The following SLC26A11 variants were observed in gnomAD, a reference collection of about 807,000 sequenced individuals.
SLC26A11 encodes the protein sodium-independent sulfate anion transporter.
A neutral mutation model predicts 62.2 loss-of-function variants in SLC26A11; 58 were observed. The observed-to-expected ratio is 0.93, with a 90% CI of 0.76 to 1.16. The LOEUF (loss-of-function observed/expected upper bound fraction) is 1.16. SLC26A11 is among the 50% of genes most tolerant of loss of function. SLC26A11 has a pLI of 0.00. For missense variants in SLC26A11, 790 were observed against 794.3 expected, an observed-to-expected ratio of 0.99 and a Z score of 0.06; for synonymous variants, 411 against 368.9, an observed-to-expected ratio of 1.11 and a Z score of -1.31.
intron 10 of SLC26A11, among the ~76,000 whole-genome samples, chr17:80,242,332 C>T (rs144849857): frequency 1.9e-4 from 29 of 152,284 alleles, no homozygotes; most frequent in African/African-American, 6.7e-4. Flanking sequence ...TCAGTTTAAC[C>T]CCTAAGAACA....
At position 80,251,342 on chromosome 17, in the gene SLC26A11, G is replaced by A. The variant is rs760632323; in HGVS notation, c.1670G>A (p.Arg557His). Residue 557 changes from arginine (R) to histidine (H), a missense_variant, in exon 17 of 18, where the codon CGT (arginine) becomes CAT (histidine). Transcript: ENST00000361193. ...AFVGLQVPVL[R>H]VLLSADLKGF... The stretch of plus-strand genomic sequence containing the variant: ...TCTGTCTCTCAGGTCCCCGTTCTCC[G>A]TGTCCTGCTGTCCGCTGACCTGAAG... 34 of 1,613,880 alleles carry A rather than the reference G, an allele frequency of 2.1e-5. No homozygotes were observed. Among genetic ancestry groups the A allele is most frequent in the East Asian group, 1.1e-4 (5 of 44,890 alleles).
intron 7 of SLC26A11, among the ~76,000 whole-genome samples, chr17:80,229,121 T>G (rs1205079854): frequency 1.3e-5 from 2 of 152,022 alleles, no homozygotes; most frequent in East Asian, 3.9e-4. Flanking sequence ...TCTTGCTGTT[T>G]GGGGGCTGCA....
chr17:80,252,639 C>T lies in SLC26A11; in HGVS notation c.1744C>T (p.Gln582Ter). The change falls in exon 18 of 18, where the codon CAG becomes TAG. Residue 582 changes from glutamine (Q) to a stop codon, truncating the protein, a stop_gained. Transcript: ENST00000361193. LOFTEE classifies it low-confidence loss of function (END_TRUNC). The surrounding 1 kb of genome is among the most constrained non-coding windows in gnomAD (Gnocchi z 5.2). Reference protein sequence around the residue: ...TLEEAEKHLRQEPGTQPYNIR... With the variant: ...TLEEAEKHLR ...ATTTTCTGCAGAGAAGCACCTGAGG[C>T]AGGAGCCAGGGACCCAGCCCTACAA... 6.2e-7 allele frequency: 1 copy of T among 1,613,874 alleles called. No individual in the cohort carries two copies.
In SLC26A11 at chr17:80,222,728, G is replaced by T. The variant is rs763305292; in HGVS notation, c.308G>T (p.Gly103Val). The stretch of plus-strand genomic sequence containing the variant: ...GGCACCTCCCGGGATGTGACTCTGG[G>T]CCCCACCGCCATTATGTCCCTCCTG... ...FLGTSRDVTL[G>V]PTAIMSLLVS... Residue 103 changes from glycine to valine, a missense_variant, in exon 4 of 18, where the codon GGC becomes GTC. Physicochemically the swap from Gly to Val is moderately radical, Grantham distance 109. Coordinates refer to ENST00000361193, the MANE Select transcript of SLC26A11 (RefSeq NM_001166347.2). The surrounding 1 kb of genome is among the most constrained non-coding windows in gnomAD (Gnocchi z 4.7). 1.2e-6 allele frequency: 2 copies of T among 1,614,096 alleles called. No homozygotes were observed. The highest frequency in any genetic ancestry group is 2.2e-5 in the East Asian group (1 of 44,880).
In SLC26A11 at chr17:80,223,191, C is replaced by T; in HGVS notation, c.428-61C>T. ...GCCACCTTCCCCAGCTCACATCTCC[C>T]CTCATCCTCTGGGACTGGGTGGAGC... On this transcript the variant is annotated intron_variant, in intron 4 of 17. Transcript: ENST00000361193. The surrounding 1 kb of genome is among the most constrained non-coding windows in gnomAD (Gnocchi z 4.6). The T allele has an allele frequency of 6.7e-7, 1 of 1,490,414 alleles. No homozygotes were observed. The highest frequency in any genetic ancestry group is 1.1e-5 in the South Asian group (1 of 87,538). 92.3% of individuals were successfully genotyped at this position (1,490,414 alleles called of 1,614,324 possible).
In SLC26A11 at chr17:80,251,344, G is replaced by A; in HGVS notation, c.1672G>A (p.Val558Ile). 1 of 1,614,086 alleles carries A rather than the reference G, an allele frequency of 6.2e-7. No homozygotes were observed. Among genetic ancestry groups the A allele is most frequent in the Non-Finnish European group, 8.5e-7 (1 of 1,180,008 alleles). The change falls in exon 17 of 18, where the codon GTC (valine) becomes ATC (isoleucine). Residue 558 changes from valine to isoleucine, a missense_variant. Transcript: ENST00000361193. Reference sequence around the variant, plus strand: ...TGTCTCTCAGGTCCCCGTTCTCCGTGTCCTGCTGTCCGCTGACCTGAAGGG... The same window carrying A: ...TGTCTCTCAGGTCCCCGTTCTCCGTATCCTGCTGTCCGCTGACCTGAAGGG... Reference protein sequence around the residue: ...FVGLQVPVLRVLLSADLKGFQ... With the variant: ...FVGLQVPVLRILLSADLKGFQ...
rs1317802935 is a variant in SLC26A11, at chr17:80,221,662, G to T, written c.102G>T (p.Leu34=). The T allele has an allele frequency of 6.2e-7, 1 of 1,612,998 alleles. No individual in the cohort carries two copies. The highest frequency in any genetic ancestry group is 1.3e-5 in the African/African-American group (1 of 75,048). Residue 34 remains leucine, a synonymous_variant, in exon 3 of 18, where the codon CTG becomes CTT. Coordinates refer to ENST00000361193, the MANE Select transcript of SLC26A11 (RefSeq NM_001166347.2). Reference sequence around the variant, plus strand: ...CCCCTGCGGCCCTGCAGAGGAGGCTGCCCATCCTGGCGTGGCTGCCCAGCT... The same window carrying T: ...CCCCTGCGGCCCTGCAGAGGAGGCTTCCCATCCTGGCGTGGCTGCCCAGCT... ...CCSPAALQRR[L]PILAWLPSYS...
At chr17:80,237,477 C>G in intron 8 of SLC26A11, 45 bp from the exon 9 acceptor site, 1 of 1,564,416 alleles carries the variant, frequency 6.4e-7, no homozygotes, top group South Asian at 1.2e-5. Flanking sequence ...CTGCTGGGTC[C>G]TACCCCTTAG....
In SLC26A11 at chr17:80,221,506, G is replaced by A. The variant is rs1048365304; in HGVS notation, c.-13-42G>A. 6.4e-6 allele frequency: 9 copies of A among 1,412,022 alleles called. 1 individual carries two copies. Among genetic ancestry groups the A allele is most frequent in the Non-Finnish European group, 5.7e-6 (6 of 1,057,508 alleles). 87.5% of individuals were successfully genotyped at this position (1,412,022 alleles called of 1,614,324 possible). On this transcript the variant is annotated intron_variant, in intron 2 of 17. Coordinates refer to ENST00000361193, the MANE Select transcript of SLC26A11 (RefSeq NM_001166347.2). Reference sequence around the variant, plus strand: ...ACCAGTGTTGCCGGGTTCTTCAAAGGCCACGCTCTGACTGCTGGTCTGTGT... The same window carrying A: ...ACCAGTGTTGCCGGGTTCTTCAAAGACCACGCTCTGACTGCTGGTCTGTGT...
intron 9 of SLC26A11, among the ~76,000 whole-genome samples, chr17:80,240,979 C>T (rs540125946): frequency 3.2e-4 from 48 of 152,088 alleles, no homozygotes; most frequent in African/African-American, 1.1e-3. Context: ...ATGGACCACA[C>T]CTGTGGTACC....
chr17:80,239,175 G>A (rs1366930147), intron 9 of SLC26A11, among the ~76,000 whole-genome samples: 1 of 151,520 alleles, frequency 6.6e-6, no homozygotes, highest in Non-Finnish European at 1.5e-5. Flanking sequence ...CGCCCCCCAG[G>A]TTCCAGCAAT....
intron 9 of SLC26A11, among the ~76,000 whole-genome samples, chr17:80,240,834 T>G (rs988876986): frequency 1.1e-4 from 16 of 150,966 alleles, no homozygotes; most frequent in African/African-American, 2.9e-4. Context: ...AAAATGGTTT[T>G]CTTATTATAA....
rs56289503 is a variant in SLC26A11, at chr17:80,233,584, A to ATTTTTTT, written c.737-3337_737-3331dup. ...CCTGTTGGTGATTAACTCTTTCAGCATTTTTTTTTTTTTATTTGACAGGAT... is the reference window on the plus strand; with the variant it reads ...CCTGTTGGTGATTAACTCTTTCAGCATTTTTTTTTTTTTTTTTTTTATTTGACAGGAT... On this transcript the variant is annotated intron_variant, in intron 7 of 17. Transcript: ENST00000361193. Among the ~76,000 whole-genome samples the ATTTTTTT allele has an allele frequency of 1.1e-4, 15 of 142,406 alleles. 2 individuals carry two copies. The highest frequency in any genetic ancestry group is 1.5e-4 in the Non-Finnish European group (10 of 66,048). 93.4% of individuals were successfully genotyped at this position (142,406 alleles called of 152,430 possible).
chr17:80,222,780 C>T lies in SLC26A11; in HGVS notation c.360C>T (p.Pro120=), dbSNP rs77853404. ...LLVSFYTFHE[P]AYAVLLAFLS... is the part of the protein sequence containing the mutation. ...TCTCCTTCTACACCTTCCATGAGCC[C>T]GCCTACGCTGTGCTGCTGGCCTTCC... The change falls in exon 4 of 18, where the codon CCC becomes CCT. Residue 120 remains proline, a synonymous_variant. Coordinates refer to ENST00000361193, the MANE Select transcript of SLC26A11 (RefSeq NM_001166347.2). The surrounding 1 kb of genome is among the most constrained non-coding windows in gnomAD (Gnocchi z 4.7). The T allele has an allele frequency of 1.4e-3, 2,206 of 1,614,206 alleles. 23 individuals carry two copies. In the African/African-American group the frequency reaches 0.023, roughly 17 times the overall value.
At chr17:80,242,509 A>G (rs1189917406) in intron 10 of SLC26A11, among the ~76,000 whole-genome samples, 2 of 152,110 alleles carry the variant, frequency 1.3e-5, no homozygotes, top group Non-Finnish European at 2.9e-5. Context: ...GGCCGGGGGA[A>G]TCGAGAGGAG....
At chr17:80,234,085 A>G (rs946548636) in intron 7 of SLC26A11, among the ~76,000 whole-genome samples, 2 of 152,084 alleles carry the variant, frequency 1.3e-5, no homozygotes, top group Non-Finnish European at 2.9e-5. Context: ...GCTCACTGCA[A>G]TCTCTGCCTC....
intron 7 of SLC26A11, among the ~76,000 whole-genome samples, chr17:80,233,806 T>G (rs2042622079): frequency 1.8e-5 from 1 of 56,628 alleles, no homozygotes; most frequent in South Asian, 8.4e-4. Flanking sequence ...CTCTTACTCC[T>G]GGGCTCAAGG....
At chr17:80,225,209 TA>T (rs2042376426) in intron 5 of SLC26A11, among the ~76,000 whole-genome samples, 1 of 149,676 alleles carries the variant, frequency 6.7e-6, no homozygotes. Flanking sequence ...AAAAAAAAAC[TA>T]AACTAAAACA....
intron 9 of SLC26A11, among the ~76,000 whole-genome samples, chr17:80,241,019 C>T (rs777150782): frequency 1.3e-5 from 2 of 151,966 alleles, no homozygotes; most frequent in Non-Finnish European, 2.9e-5. Flanking sequence ...GCAGGAGGAT[C>T]ACTTGAGCCC....
Sources: gnomAD v4.1 joint callset for allele counts (sites outside exome capture counted in the v4.1 genomes callset) on GRCh38, gnomAD v4.1.1 for gene constraint, Gnocchi (gnomAD v3.1) non-coding constraint, MANE v1.5 for transcripts, NCBI Gene and HGNC (gene_info 2026-07-23, HGNC 2026-07-21) for gene names.